PLCE1: variants seen among roughly 807,000 people sequenced by gnomAD.
PLCE1 encodes the protein phospholipase C epsilon 1, also known as 1-phosphatidylinositol 4,5-bisphosphate phosphodiesterase epsilon-1.
A neutral mutation model predicts 242.8 loss-of-function variants in PLCE1; 119 were observed. That is an observed-to-expected ratio of 0.49 (90% confidence interval 0.42 to 0.57). The LOEUF is 0.57. PLCE1 is among the 20% of genes least tolerant of loss of function. PLCE1 has a pLI of 0.00. For synonymous variants in PLCE1, 945 were observed against 1,017.4 expected (o/e 0.93, Z 1.35); for missense variants, 2,441 against 2,788.8 (o/e 0.88, Z 2.81).
intron 5 of PLCE1, among the ~76,000 whole-genome samples, chr10:94,229,175 C>G (rs1404785458): frequency 1.4e-5 from 2 of 145,284 alleles, no homozygotes; most frequent in Admixed American, 7.0e-5. Context: ...GAGGGAAACT[C>G]TGTATCAAAA....
chr10:94,240,260 TTTA>T (rs1160546696), intron 7 of PLCE1, among the ~76,000 whole-genome samples: 1 of 152,160 alleles, frequency 6.6e-6, no homozygotes, highest in Non-Finnish European at 1.5e-5. Flanking sequence ...GATGCTAATG[TTTA>T]TTGAGAGCCT....
intron 4 of PLCE1, among the ~76,000 whole-genome samples, chr10:94,198,982 G>A (rs887477239): frequency 6.6e-6 from 1 of 152,164 alleles, no homozygotes; most frequent in Admixed American, 6.5e-5. Flanking sequence ...AGCCCAGGAG[G>A]TTGAGGCTGC....
chr10:94,153,384 A>G (rs957542630), intron 3 of PLCE1, among the ~76,000 whole-genome samples: 11 of 152,200 alleles, frequency 7.2e-5, no homozygotes, highest in Non-Finnish European at 1.3e-4. Context: ...TTATGAAAAA[A>G]AACACTCAAC....
Position 94,239,050 on chromosome 10 carries a change from C to T in PLCE1, c.2420+2930C>T, listed in dbSNP as rs181470073. Among the ~76,000 whole-genome samples, 62 of 152,226 alleles carry T rather than the reference C, an allele frequency of 4.1e-4. 1 individual carries two copies. The East Asian group carries it at 8.3e-3, about 20-fold the overall frequency. On this transcript the variant is annotated intron_variant, in intron 7 of 32. Transcript: ENST00000371380. ...TTTGTCATCTGTAAACTGGAAATGACAATACTACTTGATAGGGTTTTTGTG... is the reference window on the plus strand; with the variant it reads ...TTTGTCATCTGTAAACTGGAAATGATAATACTACTTGATAGGGTTTTTGTG...
chr10:94,204,748 G>A (rs982223382), intron 4 of PLCE1, among the ~76,000 whole-genome samples: 10 of 122,434 alleles, frequency 8.2e-5, no homozygotes, highest in Admixed American at 7.8e-4. Context: ...AGAAGGGAGG[G>A]AGGAAGGAAG....
Position 94,085,790 on chromosome 10 carries a change from T to C in PLCE1, c.1207-46384T>C, listed in dbSNP as rs731830. Reference sequence around the variant, plus strand: ...GGCAGGATGGGAAACTGTAGTAGCCTGTCACGAGCAGGCTGATCATCCAGG... The same window carrying C: ...GGCAGGATGGGAAACTGTAGTAGCCCGTCACGAGCAGGCTGATCATCCAGG... On this transcript the variant is annotated intron_variant, in intron 2 of 32. Transcript: ENST00000371380. Among the ~76,000 whole-genome samples the C allele has an allele frequency of 2.2e-4, 33 of 152,302 alleles. 1 individual carries two copies. Among genetic ancestry groups the C allele is most frequent in the Middle Eastern group, 3.4e-3 (1 of 294 alleles).
At chr10:94,297,974 G>A (rs1450700987) in intron 23 of PLCE1, among the ~76,000 whole-genome samples, 1 of 152,092 alleles carries the variant, frequency 6.6e-6, no homozygotes. Flanking sequence ...GGACTTCTAG[G>A]CTTTTAATTT....
At chr10:94,308,436 G>T (rs1243715972) in intron 26 of PLCE1, 145 bp from the exon 27 acceptor site, 2 of 761,174 alleles carry the variant, frequency 2.6e-6, no homozygotes, top group Non-Finnish European at 4.8e-6. Flanking sequence ...GCACTCTCTT[G>T]GCGAAAAGAC....
intron 2 of PLCE1, among the ~76,000 whole-genome samples, chr10:94,083,984 A>G (rs371187160): frequency 1.6e-4 from 24 of 152,336 alleles, no homozygotes; most frequent in East Asian, 9.6e-4. Context: ...CCTTCCACAT[A>G]GTATTATTGG....
intron 22 of PLCE1, among the ~76,000 whole-genome samples, chr10:94,291,971 C>T (rs903433681): frequency 1.3e-5 from 2 of 152,162 alleles, no homozygotes; most frequent in Admixed American, 1.3e-4. Flanking sequence ...GAAGTACCCA[C>T]ATTCTGGTAG....
intron 3 of PLCE1, among the ~76,000 whole-genome samples, chr10:94,170,918 A>C (rs949699904): frequency 4.6e-5 from 7 of 152,222 alleles, no homozygotes; most frequent in Non-Finnish European, 7.3e-5. Context: ...ATTATGTGCT[A>C]GATTAATGCT....
intron 4 of PLCE1, among the ~76,000 whole-genome samples, chr10:94,181,781 G>C (rs1426935780): frequency 1.5e-5 from 2 of 135,604 alleles, no homozygotes; most frequent in Non-Finnish European, 3.0e-5. Context: ...GACAGGGCAT[G>C]GTGGTGCATA....
intron 3 of PLCE1, chr10:94,138,098 G>A (rs950171702): frequency 2.2e-5 from 8 of 357,058 alleles, no homozygotes; most frequent in Non-Finnish European, 3.8e-5. Context: ...GGCAAGTTCT[G>A]TGAAACTTAA....
intron 3 of PLCE1, among the ~76,000 whole-genome samples, chr10:94,167,680 C>T (rs994652119): frequency 7.6e-6 from 1 of 130,898 alleles, no homozygotes; most frequent in Non-Finnish European, 1.6e-5. Flanking sequence ...TCCCCCCACC[C>T]CACAACAGTC....
chr10:94,200,983 G>A (rs2048970021), intron 4 of PLCE1, among the ~76,000 whole-genome samples: 1 of 152,178 alleles, frequency 6.6e-6, no homozygotes, highest in South Asian at 2.1e-4. Flanking sequence ...ATAGCCAAGA[G>A]GAGCCTAAAG....
At chr10:94,266,799 C>G (rs2051533430) in intron 16 of PLCE1, among the ~76,000 whole-genome samples, 1 of 152,174 alleles carries the variant, frequency 6.6e-6, no homozygotes, top group Non-Finnish European at 1.5e-5. Context: ...AGATATTCCT[C>G]AAAGCATGGG....
chr10:94,012,616 A>G (rs2061192409), intron 1 of PLCE1, among the ~76,000 whole-genome samples: 1 of 152,124 alleles, frequency 6.6e-6, no homozygotes, highest in Non-Finnish European at 1.5e-5. Context: ...AGGGCAGTGC[A>G]GCAGCTGCAT....
At chr10:94,025,060 G>GT (rs201891784) in intron 1 of PLCE1, among the ~76,000 whole-genome samples, 1,510 of 148,880 alleles carry the variant, frequency 0.01, 16 homozygotes, top group East Asian at 0.073. Context: ...TTTCTATCTT[G>GT]TTTTTTTTTT....
At position 94,038,654 on chromosome 10, in the gene PLCE1, T is replaced by C. The variant is rs149538512; in HGVS notation, c.1206+6402T>C. On this transcript the variant is annotated intron_variant, in intron 2 of 32. Transcript: ENST00000371380. ...GGAAAGCCAGTCCTTTGAAACACAA[T>C]AGCAGATTTCCTTGAAGGGGAGGAG... Among the ~76,000 whole-genome samples the C allele has an allele frequency of 3.8e-3, 577 of 152,336 alleles. 2 individuals carry two copies. The highest frequency in any genetic ancestry group is 0.013 in the African/African-American group (544 of 41,582).
Sources: gnomAD v4.1 joint callset for allele counts (sites outside exome capture counted in the v4.1 genomes callset) on GRCh38, gnomAD v4.1.1 for gene constraint, MANE v1.5 for transcripts, NCBI Gene and HGNC (gene_info 2026-07-23, HGNC 2026-07-21) for gene names.